The following MEGF6 variants were observed in gnomAD, a reference collection of about 807,000 sequenced individuals.
MEGF6 encodes multiple epidermal growth factor-like domains protein 6.
MEGF6 carries 184 observed loss-of-function variants against 207.1 expected under a neutral mutation model. The ratio of observed to expected loss-of-function variants is 0.89; its 90% CI spans 0.79 to 1.00. The LOEUF (loss-of-function observed/expected upper bound fraction) is 1.00, where lower values mean the gene tolerates loss of function less well. MEGF6 is among the 50% of genes least tolerant of loss of function. MEGF6 has a pLI of 0.00. For missense variants in MEGF6, 2,282 were observed against 2,202.9 expected (o/e 1.04, Z -0.72); for synonymous variants, 1,038 against 910.0 (o/e 1.14, Z -2.53).
intron 4 of MEGF6, among the ~76,000 whole-genome samples, chr1:3,544,179 C>T (rs971138537): frequency 6.6e-6 from 1 of 151,038 alleles, no homozygotes; most frequent in East Asian, 1.9e-4. Flanking sequence ...AAGGTCCAAG[C>T]ATCAGGCTAA....
At chr1:3,549,017 C>G (rs1642802747) in intron 4 of MEGF6, among the ~76,000 whole-genome samples, 1 of 152,184 alleles carries the variant, frequency 6.6e-6, no homozygotes, top group Non-Finnish European at 1.5e-5. Context: ...CCAACCCCAG[C>G]ATCTCCATGC....
At chr1:3,571,574 C>G (rs746480249) in intron 4 of MEGF6, among the ~76,000 whole-genome samples, 4 of 152,054 alleles carry the variant, frequency 2.6e-5, no homozygotes, top group Non-Finnish European at 4.4e-5. Flanking sequence ...GTCTTCCCCC[C>G]AAGTGTGCTG....
chr1:3,619,651 C>T, the MEGF6 span, among the ~76,000 whole-genome samples: 1 of 152,182 alleles, frequency 6.6e-6, no homozygotes, highest in Non-Finnish European at 1.5e-5. Context: ...TCATCTTCCG[C>T]CATGACTGTA....
chr1:3,562,655 G>C (rs1200243165), intron 4 of MEGF6, among the ~76,000 whole-genome samples: 1 of 152,262 alleles, frequency 6.6e-6, no homozygotes, highest in Non-Finnish European at 1.5e-5. Context: ...CCAGGGGTGG[G>C]CTGGAGCCTT....
chr1:3,536,439 C>T (rs995005907), intron 4 of MEGF6, among the ~76,000 whole-genome samples: 32 of 152,184 alleles, frequency 2.1e-4, no homozygotes, highest in African/African-American at 6.5e-4. Context: ...CTCTGGGGTG[C>T]GGAGGGCTCT....
At position 3,509,129 on chromosome 1, in the gene MEGF6, C is replaced by T; in HGVS notation, c.1474G>A (p.Ala492Thr). 6.2e-7 allele frequency: 1 copy of T among 1,600,952 alleles called. No homozygotes were observed. The highest frequency in any genetic ancestry group is 8.5e-7 in the Non-Finnish European group (1 of 1,174,570). ...CGCAACTCTGCCTCTTCCTCATCGG[C>T]CCCGACGTCGTCATCCTGGAAGAGT... ...PQLFQDDDVG[A>T]DEEEAELRGE... Residue 492 changes from alanine (A) to threonine (T), a missense_variant, in exon 12 of 37, where the codon GCC (alanine) becomes ACC (threonine). Coordinates refer to ENST00000356575, the MANE Select transcript of MEGF6 (RefSeq NM_001409.4).
At chr1:3,524,549 C>T (rs1357484127) in intron 4 of MEGF6, among the ~76,000 whole-genome samples, 2 of 152,322 alleles carry the variant, frequency 1.3e-5, no homozygotes, top group East Asian at 1.9e-4. Context: ...GAACCGGGAG[C>T]GCACGCGGTT....
the MEGF6 span, among the ~76,000 whole-genome samples, chr1:3,618,131 C>A: frequency 6.6e-6 from 1 of 152,196 alleles, no homozygotes; most frequent in East Asian, 1.9e-4. The surrounding 1 kb of genome is among the most constrained non-coding windows in gnomAD (Gnocchi z 4.7). Flanking sequence ...GGCGCCATCC[C>A]CAGCAAGGCC....
intron 4 of MEGF6, among the ~76,000 whole-genome samples, chr1:3,541,070 A>G (rs796721956): frequency 2.6e-5 from 4 of 152,284 alleles, no homozygotes; most frequent in Admixed American, 6.5e-5. Context: ...GGCCAGGCGC[A>G]GGCTGGGGCC....
chr1:3,561,488 C>G (rs747832163), intron 4 of MEGF6, among the ~76,000 whole-genome samples: 2 of 152,232 alleles, frequency 1.3e-5, no homozygotes, highest in African/African-American at 2.4e-5. Context: ...AACGCCCTCA[C>G]CATCACTGCT....
chr1:3,590,497 G>T (rs1411285833), intron 3 of MEGF6, among the ~76,000 whole-genome samples: 1 of 152,222 alleles, frequency 6.6e-6, no homozygotes, highest in Non-Finnish European at 1.5e-5. Flanking sequence ...AGGCCCCACC[G>T]CCCCGCCCGG....
At position 3,560,912 on chromosome 1, in the gene MEGF6, A is replaced by G. The variant is rs1211453970; in HGVS notation, c.481+18913T>C. On this transcript the variant is annotated intron_variant, in intron 4 of 36. Transcript: ENST00000356575. This position sits in a 1 kb window ranked among gnomAD's most constrained non-coding sequence, Gnocchi z 4.0. ...TGCTGGGCTCTACCCCCAGGCCTCT[A>G]CTACCCTCTGGCACACATCCATCTA... 1.2e-5 allele frequency: 5 copies of G among 403,888 alleles called. No homozygotes were observed. The highest frequency in any genetic ancestry group is 1.5e-5 in the Non-Finnish European group (3 of 200,298). The allele number at this position is 403,888 out of a possible 1,614,324, so 25.0% of individuals were successfully genotyped here. A position where few individuals can be genotyped will look rare whatever the true frequency, so the allele number is the denominator to read the frequency against.
At position 3,599,440 on chromosome 1, in the gene MEGF6, A is replaced by C. The variant is rs183817767; in HGVS notation, c.266+3026T>G. 4.8e-4 allele frequency among the ~76,000 whole-genome samples: 73 copies of C among 152,320 alleles called. No homozygotes were observed. In the South Asian group the frequency reaches 0.015, roughly 31 times the overall value. On this transcript the variant is annotated intron_variant, in intron 2 of 36. Coordinates refer to ENST00000356575, the MANE Select transcript of MEGF6 (RefSeq NM_001409.4). Reference sequence around the variant, plus strand: ...TGCTCCAACCAACTGGAGAATTACCAGTGGAAAAGAATCACCACAGAAAGA... The same window carrying C: ...TGCTCCAACCAACTGGAGAATTACCCGTGGAAAAGAATCACCACAGAAAGA...
chr1:3,579,217 G>A (rs942582068), intron 4 of MEGF6, among the ~76,000 whole-genome samples: 2 of 152,232 alleles, frequency 1.3e-5, no homozygotes, highest in Non-Finnish European at 2.9e-5. Flanking sequence ...AAATGAATCA[G>A]GACGAGGCTC....
rs377326418 is a variant in MEGF6 at position 3,520,160 on chromosome 1, T to A, written c.604+3964A>T. ...GTAAAGCCAGTGACATCTGTGGCCC[T>A]CAGACAGGGCCCAGGAGTGCTGCTC... On this transcript the variant is annotated intron_variant, in intron 5 of 36. Transcript: ENST00000356575. Among the ~76,000 whole-genome samples, 8 of 152,284 alleles carry A rather than the reference T, an allele frequency of 5.3e-5. No homozygotes were observed. In the South Asian group the frequency reaches 1.7e-3, roughly 32 times the overall value.
Position 3,505,536 on chromosome 1 carries a change from C to A in MEGF6, c.1939G>T (p.Gly647Trp). The A allele has an allele frequency of 6.3e-7, 1 of 1,590,880 alleles. No homozygotes were observed. Residue 647 changes from glycine to tryptophan, a missense_variant, in exon 16 of 37, where the codon GGG (glycine) becomes TGG (tryptophan). By Grantham distance (184) the Gly-to-Trp change is radical. Transcript: ENST00000356575. ...TGGCACTCCTCCGAGCAGCCCGGCCCAAAGGCCCACGGCGGGCAGGCTGCA... is the reference window on the plus strand; with the variant it reads ...TGGCACTCCTCCGAGCAGCCCGGCCAAAAGGCCCACGGCGGGCAGGCTGCA... ...CHLTCPPWAF[G>W]PGCSEECQCV...
chr1:3,614,156 C>T (rs1352849479), upstream of MEGF6, among the ~76,000 whole-genome samples: 1 of 152,204 alleles, frequency 6.6e-6, no homozygotes, highest in African/African-American at 2.4e-5. Flanking sequence ...ACAGAACCCT[C>T]ATTCTCAGGC....
intron 7 of MEGF6, 23 bp from the exon 8 acceptor site, chr1:3,512,151 A>C (rs1321769086): frequency 3.2e-6 from 5 of 1,578,838 alleles, no homozygotes; most frequent in Non-Finnish European, 4.3e-6. Context: ...GACCACAGGG[A>C]GGGCTCAGAG....
At chr1:3,513,603 T>C (rs1570013428) in intron 7 of MEGF6, among the ~76,000 whole-genome samples, 2 of 139,844 alleles carry the variant, frequency 1.4e-5, no homozygotes, top group East Asian at 4.2e-4. Context: ...TTTTTTTTTT[T>C]TTTAAGAGAC....
Sources: allele counts gnomAD v4.1 joint callset (sites outside exome capture counted in the v4.1 genomes callset), GRCh38; gene constraint gnomAD v4.1.1; non-coding constraint Gnocchi (gnomAD v3.1); transcripts MANE v1.5; gene names NCBI Gene and HGNC (gene_info 2026-07-23, HGNC 2026-07-21).